The following ORC6 variants were observed in gnomAD, a reference collection of about 807,000 sequenced individuals.
ORC6 encodes the protein origin recognition complex, subunit 6 homolog-like (yeast).
Under a neutral mutation model 30.0 loss-of-function variants are expected in ORC6, and 31 were observed. The ratio of observed to expected loss-of-function variants is 1.03; its 90% CI spans 0.78 to 1.40. ORC6 has a LOEUF of 1.40. ORC6 is among the 40% of genes most tolerant of loss of function. The probability of loss-of-function intolerance (pLI) is 0.00; values close to 1 mark genes in which losing one functional copy is unlikely to be tolerated. For missense variants in ORC6, 340 were observed against 304.3 expected (o/e 1.12, Z -0.87); for synonymous variants, 136 against 111.2 (o/e 1.22, Z -1.40).
Position 46,696,074 on chromosome 16 carries a change from C to G in ORC6, c.620C>G (p.Ala207Gly). 6.2e-7 allele frequency: 1 copy of G among 1,611,034 alleles called. No homozygotes were observed. The highest frequency in any genetic ancestry group is 8.5e-7 in the Non-Finnish European group (1 of 1,177,136). The change falls in exon 6 of 7, where the codon GCC becomes GGC. Residue 207 changes from alanine (A) to glycine (G), a missense_variant. Physicochemically the swap from Ala to Gly is moderately conservative, Grantham distance 60. Transcript: ENST00000219097. Reference protein sequence around the residue: ...PRKRKKIVVEAPAKEMEKVEE... With the variant: ...PRKRKKIVVEGPAKEMEKVEE... ...AAGAGAAAGAAGATAGTGGTTGAAG[C>G]CCCAGCAAAGGGTAAGTTTTACTAA...
chr16:46,698,154 G>A lies in ORC6; in HGVS notation c.*569G>A, dbSNP rs778366757. Reference sequence around the variant, plus strand: ...GATACTCCAGCCTGGGTGACAGAGCGAGACTTATAGATAGATAGATAGATA... The same window carrying A: ...GATACTCCAGCCTGGGTGACAGAGCAAGACTTATAGATAGATAGATAGATA... On this transcript the variant is annotated 3_prime_UTR_variant, in exon 7 of 7. Coordinates refer to ENST00000219097, the MANE Select transcript of ORC6 (RefSeq NM_014321.4). 1.3e-5 allele frequency: 5 copies of A among 383,952 alleles called. No individual in the cohort carries two copies. The highest frequency in any genetic ancestry group is 5.2e-5 in the African/African-American group (2 of 38,718). 23.8% of individuals were successfully genotyped at this position (383,952 alleles called of 1,614,324 possible).
At chr16:46,691,731 T>C (rs933173385) in intron 2 of ORC6, among the ~76,000 whole-genome samples, 2 of 152,212 alleles carry the variant, frequency 1.3e-5, no homozygotes, top group African/African-American at 2.4e-5. Context: ...TAACAGACTC[T>C]GCACGTCAAT....
intron 6 of ORC6, among the ~76,000 whole-genome samples, chr16:46,696,699 A>G (rs1410121894): frequency 6.6e-6 from 1 of 152,110 alleles, no homozygotes; most frequent in East Asian, 1.9e-4. Flanking sequence ...TCTCTCACCC[A>G]TGCTAGAGTG....
In ORC6 at chr16:46,695,597, T is replaced by C. The variant is rs563366284; in HGVS notation, c.485T>C (p.Val162Ala). ...CTGAAAGTGGATAAAAACAAAATGG[T>C]AGCCACATCCGGTGTAAAAAAAGCT... ...LKLKVDKNKM[V>A]ATSGVKKAIF... The change falls in exon 5 of 7, where the codon GTA (valine) becomes GCA (alanine). Residue 162 changes from valine to alanine, a missense_variant. Physicochemically the swap from Val to Ala is moderately conservative, Grantham distance 64. Coordinates refer to ENST00000219097, the MANE Select transcript of ORC6 (RefSeq NM_014321.4). The C allele has an allele frequency of 1.2e-6, 2 of 1,613,748 alleles. No homozygotes were observed. The highest frequency in any genetic ancestry group is 1.7e-6 in the Non-Finnish European group (2 of 1,179,686).
rs956691861 is a variant in ORC6 at position 46,691,136 on chromosome 16, C to T, written c.195+16C>T. 2 of 1,613,354 alleles carry T rather than the reference C, an allele frequency of 1.2e-6. No homozygotes were observed. The highest frequency in any genetic ancestry group is 1.1e-5 in the South Asian group (1 of 91,056). The stretch of plus-strand genomic sequence containing the variant: ...CTTGGACAGGGTAAGTAGGTCCCAC[C>T]GAATGTCTGAATAATCCAGTGCAAC... On this transcript the variant is annotated intron_variant, in intron 2 of 6. Transcript: ENST00000219097.
rs1966532649 is a variant in ORC6 at position 46,697,609 on chromosome 16, A to G, written c.*24A>G. 2 of 1,612,024 alleles carry G rather than the reference A, an allele frequency of 1.2e-6. No homozygotes were observed. Among genetic ancestry groups the G allele is most frequent in the African/African-American group, 1.3e-5 (1 of 74,862 alleles). On this transcript the variant is annotated 3_prime_UTR_variant, in exon 7 of 7. Coordinates refer to ENST00000219097, the MANE Select transcript of ORC6 (RefSeq NM_014321.4). ...GATTTCAGCTTCCAAACTGGTATAC[A>G]TTCCAAACTGATAGTACATTGCCAT...
chr16:46,689,672 G>C lies in ORC6; in HGVS notation c.-34G>C, dbSNP rs777242826. On this transcript the variant is annotated 5_prime_UTR_variant, in exon 1 of 7. Transcript: ENST00000219097. Reference sequence around the variant, plus strand: ...CGCGCGGGTTTCGTTGACCCGCGGCGTTCACGGGAATTGTTCGCTTTAGTG... The same window carrying C: ...CGCGCGGGTTTCGTTGACCCGCGGCCTTCACGGGAATTGTTCGCTTTAGTG... 9 of 1,585,736 alleles carry C rather than the reference G, an allele frequency of 5.7e-6. No individual in the cohort carries two copies. The highest frequency in any genetic ancestry group is 6.9e-6 in the Non-Finnish European group (8 of 1,165,646).
chr16:46,692,339 C>CCCA, intron 2 of ORC6, 43 bp from the exon 3 acceptor site: 11 of 1,535,962 alleles, frequency 7.2e-6, no homozygotes, highest in Non-Finnish European at 9.9e-6. Flanking sequence ...ATATATAGAA[C>CCCA]TTAAGGTTTT....
At position 46,695,599 on chromosome 16, in the gene ORC6, G is replaced by C. The variant is rs756966068; in HGVS notation, c.487G>C (p.Ala163Pro). Residue 163 changes from alanine (A) to proline (P), a missense_variant, in exon 5 of 7, where the codon GCC becomes CCC. Physicochemically the swap from Ala to Pro is conservative, Grantham distance 27. Coordinates refer to ENST00000219097, the MANE Select transcript of ORC6 (RefSeq NM_014321.4). ...KLKVDKNKMVATSGVKKAIFD... is the reference protein window; with the variant it reads ...KLKVDKNKMVPTSGVKKAIFD... ...GAAAGTGGATAAAAACAAAATGGTA[G>C]CCACATCCGGTGTAAAAAAAGCTAT... 1.2e-6 allele frequency: 2 copies of C among 1,613,648 alleles called. No individual in the cohort carries two copies. Among genetic ancestry groups the C allele is most frequent in the East Asian group, 4.5e-5 (2 of 44,856 alleles).
intron 4 of ORC6, chr16:46,693,806 CTTTTTTTTTT>C (rs1194005655): frequency 2.2e-5 from 1 of 46,092 alleles, no homozygotes; most frequent in Non-Finnish European, 4.5e-5. Flanking sequence ...AACACTGTCT[CTTTTTTTTTT>C]TTTTTTTTTT....
intron 4 of ORC6, chr16:46,695,339 G>T: frequency 1.9e-6 from 1 of 536,340 alleles, no homozygotes; most frequent in Non-Finnish European, 3.3e-6. Context: ...TGTCTTTTAT[G>T]TGCCCCTTTT....
At chr16:46,694,660 C>A (rs1296987465) in intron 4 of ORC6, 1 of 146,194 alleles carries the variant, frequency 6.8e-6, no homozygotes, top group Non-Finnish European at 1.5e-5. Context: ...ACAACACTGT[C>A]TCTTAAAAAA....
At chr16:46,695,066 T>C (rs1966504132) in intron 4 of ORC6, 1 of 171,424 alleles carries the variant, frequency 5.8e-6, no homozygotes, top group African/African-American at 2.4e-5. Context: ...ACTCTACTTT[T>C]GAAACCATAT....
In ORC6 at chr16:46,691,038, T is replaced by C. The variant is rs754225325; in HGVS notation, c.113T>C (p.Leu38Pro). 1.2e-6 allele frequency: 2 copies of C among 1,614,218 alleles called. No individual in the cohort carries two copies. Among genetic ancestry groups the C allele is most frequent in the Non-Finnish European group, 1.7e-6 (2 of 1,180,006 alleles). The change falls in exon 2 of 7, where the codon CTC becomes CCC. Residue 38 changes from leucine (L) to proline (P), a missense_variant. Transcript: ENST00000219097. ...LRLSRVKCVG[L>P]SARTTETSSA... ...CTGTCCCGGGTGAAGTGTGTCGGCCTCTCCGCACGCACCACGGAGACCAGC... is the reference window on the plus strand; with the variant it reads ...CTGTCCCGGGTGAAGTGTGTCGGCCCCTCCGCACGCACCACGGAGACCAGC...
intron 3 of ORC6, 52 bp downstream of exon 3, chr16:46,692,597 T>A: frequency 6.5e-7 from 1 of 1,533,140 alleles, no homozygotes; most frequent in Non-Finnish European, 9.0e-7. Flanking sequence ...AGGCCGGGCG[T>A]GGTGGCTCAC....
At chr16:46,692,343 A>ATATATATGATATATAT in intron 2 of ORC6, 39 bp from the exon 3 acceptor site, 10 of 1,555,774 alleles carry the variant, frequency 6.4e-6, no homozygotes, top group Non-Finnish European at 8.9e-6. Context: ...ATAGAACTTA[A>ATATATATGATATATAT]GGTTTTTATG....
intron 2 of ORC6, 128 bp downstream of exon 2, chr16:46,691,248 C>T: frequency 1.1e-6 from 1 of 874,858 alleles, no homozygotes; most frequent in South Asian, 1.4e-5. Context: ...GTGTGTTATT[C>T]TGGAAATACT....
chr16:46,696,751 G>A (rs1296917862), intron 6 of ORC6, among the ~76,000 whole-genome samples: 1 of 152,148 alleles, frequency 6.6e-6, no homozygotes, highest in Non-Finnish European at 1.5e-5. Context: ...CGCCTCCTGA[G>A]CTCAAACCAT....
chr16:46,697,515 A>C lies in ORC6; in HGVS notation c.689A>C (p.Gln230Pro). ...CCACAGAAAGATGAAGATCTGACAC[A>C]GGATTATGAAGAATGGAAAAGAAAA... ...HKPQKDEDLTQDYEEWKRKIL... is the reference protein window; with the variant it reads ...HKPQKDEDLTPDYEEWKRKIL... The change falls in exon 7 of 7, where the codon CAG becomes CCG. Residue 230 changes from glutamine (Q) to proline (P), a missense_variant. Coordinates refer to ENST00000219097, the MANE Select transcript of ORC6 (RefSeq NM_014321.4). The C allele has an allele frequency of 3.1e-6, 5 of 1,613,466 alleles. No individual in the cohort carries two copies. Among genetic ancestry groups the C allele is most frequent in the Non-Finnish European group, 4.2e-6 (5 of 1,179,342 alleles).
Sources: allele counts gnomAD v4.1 joint callset (sites outside exome capture counted in the v4.1 genomes callset), GRCh38; gene constraint gnomAD v4.1.1; transcripts MANE v1.5; gene names NCBI Gene and HGNC (gene_info 2026-07-23, HGNC 2026-07-21).